Variants in WNK4 observed in about 807,000 individuals in gnomAD.
WNK4 encodes serine/threonine-protein kinase WNK4.
WNK4 carries 94 observed loss-of-function variants against 116.2 expected under a neutral mutation model. The observed-to-expected ratio is 0.81, with a 90% CI of 0.68 to 0.96. The LOEUF (loss-of-function observed/expected upper bound fraction) is 0.96. WNK4 is among the 40% of genes least tolerant of loss of function. WNK4 has a pLI of 0.00. For synonymous variants in WNK4, 655 were observed against 672.7 expected, an observed-to-expected ratio of 0.97 and a Z score of 0.41; for missense variants, 1,542 against 1,650.6, an observed-to-expected ratio of 0.93 and a Z score of 1.14.
In WNK4 at chr17:42,795,705, T is replaced by C. The variant is rs2054661603; in HGVS notation, c.3103T>C (p.Ser1035Pro). ...PAEPLPLQPT[S>P]PTLSGSPKPS... is the part of the protein sequence containing the mutation. ...TGAGCCTCTTCCCTTGCAGCCAACA[T>C]CCCCCACTCTCTCTGGTTCTCCAAA... The change falls in exon 16 of 19, where the codon TCC (serine) becomes CCC (proline). Residue 1035 changes from serine to proline, a missense_variant. Physicochemically the swap from Ser to Pro is moderately conservative, Grantham distance 74 (BLOSUM62 -1). Coordinates refer to ENST00000246914, the MANE Select transcript of WNK4 (RefSeq NM_032387.5). The C allele has an allele frequency of 6.2e-7, 1 of 1,613,048 alleles. No homozygotes were observed. The highest frequency in any genetic ancestry group is 1.7e-5 in the Admixed American group (1 of 59,982).
At chr17:42,787,699 C>A in intron 7 of WNK4, 79 bp from the exon 8 acceptor site, 1 of 1,601,838 alleles carries the variant, frequency 6.2e-7, no homozygotes, top group South Asian at 1.1e-5. Flanking sequence ...CCAGGCCCCT[C>A]CTTGCTTAGG....
intron 1 of WNK4, 138 bp downstream of exon 1, chr17:42,781,454 C>A: frequency 8.3e-7 from 1 of 1,210,334 alleles, no homozygotes. Context: ...CCTCTGCTGT[C>A]TTTGCCCTGA....
At chr17:42,796,614 A>G (rs1350649765) in intron 18 of WNK4, 36 bp downstream of exon 18, 1 of 1,614,044 alleles carries the variant, frequency 6.2e-7, no homozygotes, top group African/African-American at 1.3e-5. Flanking sequence ...AGCCCAGGGA[A>G]TGGTACCTGG....
At chr17:42,791,929 G>A (rs1339197213) in intron 11 of WNK4, among the ~76,000 whole-genome samples, 7 of 150,728 alleles carry the variant, frequency 4.6e-5, no homozygotes, top group Non-Finnish European at 1.0e-4. Flanking sequence ...CAGCCTGGGT[G>A]ATAGAGCAAG....
chr17:42,795,668 C>G lies in WNK4; in HGVS notation c.3066C>G (p.Ser1022=). ...TTGGGCGTTTCCAAGTGACTTCATC[C>G]AAGGAACCGGCTGAGCCTCTTCCCT... The part of the protein sequence containing the change: ...QLVGRFQVTS[S]KEPAEPLPLQ... Residue 1022 remains serine, a synonymous_variant, in exon 16 of 19, where the codon TCC becomes TCG. Transcript: ENST00000246914. The G allele has an allele frequency of 1.2e-6, 2 of 1,613,334 alleles. No homozygotes were observed. The highest frequency in any genetic ancestry group is 1.7e-6 in the Non-Finnish European group (2 of 1,180,044).
chr17:42,794,398 A>G, intron 12 of WNK4: 2 of 609,692 alleles, frequency 3.3e-6, no homozygotes, highest in Non-Finnish European at 5.9e-6. Flanking sequence ...GTATGTGTGC[A>G]TACATAATAT....
chr17:42,781,763 G>A (rs1182097577), intron 1 of WNK4, among the ~76,000 whole-genome samples: 2 of 152,282 alleles, frequency 1.3e-5, no homozygotes, highest in Non-Finnish European at 2.9e-5. Context: ...GATGCGGGAA[G>A]CCAGGAGCTG....
At position 42,796,118 on chromosome 17, in the gene WNK4, C is replaced by T. The variant is rs764350226; in HGVS notation, c.3432-5C>T. The T allele has an allele frequency of 1.7e-5, 28 of 1,614,000 alleles. No individual in the cohort carries two copies. Among genetic ancestry groups the T allele is most frequent in the Non-Finnish European group, 2.2e-5 (26 of 1,180,026 alleles). On this transcript the variant is annotated splice_region_variant and splice_polypyrimidine_tract_variant and intron_variant, in intron 16 of 18. Transcript: ENST00000246914. Reference sequence around the variant, plus strand: ...AGCCCTTTCATGCCCTCCGTGCATCCTCAGGCACTTGTCAGAGGTGGAAAC... The same window carrying T: ...AGCCCTTTCATGCCCTCCGTGCATCTTCAGGCACTTGTCAGAGGTGGAAAC...
intron 6 of WNK4, 80 bp downstream of exon 6, chr17:42,785,562 G>A (rs2054539524): frequency 2.0e-6 from 3 of 1,510,160 alleles, no homozygotes; most frequent in African/African-American, 1.4e-5. Flanking sequence ...GGGATGGGGC[G>A]CAGGAGGGGT....
At chr17:42,785,033 G>A (rs2054529423) in intron 4 of WNK4, 64 bp from the exon 5 acceptor site, 2 of 1,521,952 alleles carry the variant, frequency 1.3e-6, no homozygotes, top group Non-Finnish European at 1.8e-6. Flanking sequence ...AAGGGGTGGG[G>A]GGTGGTGTCA....
chr17:42,787,396 C>G lies in WNK4; in HGVS notation c.1595C>G (p.Ala532Gly), dbSNP rs1381470552. The G allele has an allele frequency of 6.2e-7, 1 of 1,614,050 alleles. No individual in the cohort carries two copies. The highest frequency in any genetic ancestry group is 1.3e-5 in the African/African-American group (1 of 74,910). Residue 532 changes from alanine (A) to glycine (G), a missense_variant, in exon 7 of 19, where the codon GCA (alanine) becomes GGA (glycine). Ala to Gly is a moderately conservative substitution (Grantham distance 60). Transcript: ENST00000246914. ...CTGCGTAAAGCAAGGGAATTGGAGG[C>G]ACTCCCACCAGAGCCAGGACCTCCA... ...EKLRKARELE[A>G]LPPEPGPPPA... is the part of the protein sequence containing the mutation.
chr17:42,782,059 C>T lies in WNK4; in HGVS notation c.619-699C>T, dbSNP rs1426897613. Among the ~76,000 whole-genome samples the T allele has an allele frequency of 6.6e-6, 1 of 152,204 alleles. No homozygotes were observed. The highest frequency in any genetic ancestry group is 1.5e-5 in the Non-Finnish European group (1 of 68,020). On this transcript the variant is annotated intron_variant, in intron 1 of 18. Transcript: ENST00000246914. This position sits in a 1 kb window ranked among gnomAD's most constrained non-coding sequence, Gnocchi z 4.2. ...TTAGGAGAACCCAGTCAACTTGGGG[C>T]CTGAAGCTTCCGATTCAGATCAGGG...
At chr17:42,792,350 C>A (rs1174326496) in intron 11 of WNK4, among the ~76,000 whole-genome samples, 1 of 152,170 alleles carries the variant, frequency 6.6e-6, no homozygotes, top group African/African-American at 2.4e-5. Flanking sequence ...GGGTGGTATT[C>A]TGTCTTTGGA....
chr17:42,796,366 C>T (rs2054672999), intron 17 of WNK4, 44 bp downstream of exon 17: 1 of 1,609,822 alleles, frequency 6.2e-7, no homozygotes, highest in Admixed American at 1.7e-5. Context: ...CCTGAGACCC[C>T]TTTCTGTCGA....
chr17:42,793,250 G>A (rs565631575), intron 11 of WNK4, among the ~76,000 whole-genome samples: 1 of 152,222 alleles, frequency 6.6e-6, no homozygotes, highest in East Asian at 1.9e-4. Flanking sequence ...ACGGAGTCTC[G>A]CTCAGTCGTC....
intron 12 of WNK4, 141 bp from the exon 13 acceptor site, chr17:42,794,473 C>T: frequency 1.1e-6 from 1 of 877,714 alleles, no homozygotes; most frequent in Non-Finnish European, 1.8e-6. Flanking sequence ...TACATTTCAG[C>T]ACATATGCTT....
chr17:42,791,685 G>A (rs1259681217), intron 11 of WNK4, among the ~76,000 whole-genome samples: 3 of 150,322 alleles, frequency 2.0e-5, no homozygotes, highest in Admixed American at 6.6e-5. Flanking sequence ...TAGGCCGGGC[G>A]CAGTGGCTCA....
rs2054560507 is a variant in WNK4, at chr17:42,787,348, C to A, written c.1547C>A (p.Ala516Asp). 13 of 1,614,116 alleles carry A rather than the reference C, an allele frequency of 8.1e-6. No homozygotes were observed. The highest frequency in any genetic ancestry group is 9.3e-6 in the Non-Finnish European group (11 of 1,180,028). The stretch of plus-strand genomic sequence containing the variant: ...CGTGCAGTACGTGAACGGGTTGCTG[C>A]CATCCAGCGAAAGCGTGAGAAGCTG... The part of the protein sequence containing the change: ...VARAVRERVA[A>D]IQRKREKLRK... Residue 516 changes from alanine to aspartate, a missense_variant, in exon 7 of 19, where the codon GCC becomes GAC. This residue lies in a region of WNK4 where 808 missense variants were observed against 873.6 expected (regional missense o/e 0.92). Transcript: ENST00000246914.
In WNK4 at chr17:42,795,925, C is replaced by T; in HGVS notation, c.3323C>T (p.Pro1108Leu). The T allele has an allele frequency of 6.2e-7, 1 of 1,612,418 alleles. No homozygotes were observed. Among genetic ancestry groups the T allele is most frequent in the Non-Finnish European group, 8.5e-7 (1 of 1,179,120 alleles). Residue 1108 changes from proline (P) to leucine (L), a missense_variant, in exon 16 of 19, where the codon CCA (proline) becomes CTA (leucine). By Grantham distance (98) the Pro-to-Leu change is moderately conservative. Around this residue, in one of 7 missense-constraint regions of WNK4, gnomAD observed 292 missense variants for 290.1 expected, o/e 1.01. Coordinates refer to ENST00000246914, the MANE Select transcript of WNK4 (RefSeq NM_032387.5). ...CCCCAACCCCTGAGCCATCCCAGCCCAGTGTGGATGAACTACTCCTACAGC... is the reference window on the plus strand; with the variant it reads ...CCCCAACCCCTGAGCCATCCCAGCCTAGTGTGGATGAACTACTCCTACAGC... The part of the protein sequence containing the change: ...GSPQPLSHPS[P>L]VWMNYSYSSL...
Sources: gnomAD v4.1 joint callset for allele counts (sites outside exome capture counted in the v4.1 genomes callset) on GRCh38, gnomAD v4.1.1 for gene constraint, gnomAD v4.1.1 regional missense constraint, Gnocchi (gnomAD v3.1) non-coding constraint, MANE v1.5 for transcripts, NCBI Gene and HGNC (gene_info 2026-07-23, HGNC 2026-07-21) for gene names.